Variants in TMPRSS7 observed in about 807,000 individuals in gnomAD.
TMPRSS7 encodes transmembrane serine protease 7.
Under a neutral mutation model 95.6 loss-of-function variants are expected in TMPRSS7, and 81 were observed. The ratio of observed to expected loss-of-function variants is 0.85; its 90% confidence interval spans 0.71 to 1.02. The LOEUF (loss-of-function observed/expected upper bound fraction) is 1.02. TMPRSS7 is among the 50% of genes least tolerant of loss of function. The pLI is 0.00. For missense variants in TMPRSS7, 945 were observed against 955.2 expected (o/e 0.99, Z 0.14); for synonymous variants, 364 against 337.8 (o/e 1.08, Z -0.85).
chr3:112,078,721 T>C (rs779388437), intron 16 of TMPRSS7, 21 bp from the exon 17 acceptor site: 1 of 1,613,882 alleles, frequency 6.2e-7, no homozygotes, highest in East Asian at 2.2e-5. Context: ...ACATCATTTC[T>C]ACTTCCAATG....
intron 10 of TMPRSS7, among the ~76,000 whole-genome samples, chr3:112,060,099 G>A (rs929655887): frequency 7.9e-5 from 12 of 152,128 alleles, no homozygotes; most frequent in South Asian, 2.1e-4. Context: ...CCCACAAGCC[G>A]CAAAAGCAGC....
chr3:112,037,999 C>T (rs1456476721), intron 1 of TMPRSS7, 73 bp from the exon 2 acceptor site: 5 of 669,270 alleles, frequency 7.5e-6, no homozygotes, highest in African/African-American at 3.6e-5. Context: ...ACCAACATCT[C>T]CTGACTGGGT....
At chr3:112,063,927 C>T in intron 12 of TMPRSS7, among the ~76,000 whole-genome samples, 1 of 152,100 alleles carries the variant, frequency 6.6e-6, no homozygotes, top group East Asian at 1.9e-4. Context: ...TGGCTCTTTT[C>T]CTCATTGAGC....
intron 4 of TMPRSS7, among the ~76,000 whole-genome samples, chr3:112,044,876 C>T (rs1238816987): frequency 1.3e-5 from 2 of 152,032 alleles, no homozygotes; most frequent in African/African-American, 4.8e-5. Flanking sequence ...TTTCCCAAGT[C>T]ATTTCCTGCA....
At chr3:112,074,150 T>TCTCTC in intron 13 of TMPRSS7, 146 bp from the exon 14 acceptor site, 1 of 585,608 alleles carries the variant, frequency 1.7e-6, no homozygotes. Context: ...TTGCTTCTCT[T>TCTCTC]CTCTCTGCCA....
Position 112,047,773 on chromosome 3 carries a change from TC to T in TMPRSS7, c.766del (p.Leu256CysfsTer16). ...GCTCTCAGTACTTCTATGCAGAGCATCTGTCTCTCCACTACCCGCTGGAGAT... is the reference window on the plus strand; with the variant it reads ...GCTCTCAGTACTTCTATGCAGAGCATTGTCTCTCCACTACCCGCTGGAGAT... On this transcript the variant is annotated frameshift_variant, in exon 7 of 18. Transcript: ENST00000452346. LOFTEE classifies it high-confidence loss of function. 6.2e-7 allele frequency: 1 copy of T among 1,613,948 alleles called. No individual in the cohort carries two copies. Among genetic ancestry groups the T allele is most frequent in the Non-Finnish European group, 8.5e-7 (1 of 1,179,854 alleles).
intron 13 of TMPRSS7, among the ~76,000 whole-genome samples, chr3:112,069,888 C>T (rs1270186968): frequency 6.6e-6 from 1 of 151,974 alleles, no homozygotes; most frequent in African/African-American, 2.4e-5. Context: ...TTTGTTTGCT[C>T]TTGCTTCCCT....
intron 12 of TMPRSS7, among the ~76,000 whole-genome samples, chr3:112,065,988 G>A (rs1490170075): frequency 1.3e-5 from 2 of 152,090 alleles, no homozygotes; most frequent in South Asian, 2.1e-4. Flanking sequence ...CTATTTGTTC[G>A]GGGGCTTGAG....
chr3:112,045,927 C>T (rs375279190), exon 5 of TMPRSS7: 156 of 1,550,686 alleles, frequency 1.0e-4, no homozygotes, highest in Non-Finnish European at 1.1e-4. Flanking sequence ...TGGACATGGA[C>T]TCTGTGGTAC....
intron 4 of TMPRSS7, among the ~76,000 whole-genome samples, chr3:112,045,054 A>G (rs2073260394): frequency 6.6e-6 from 1 of 152,214 alleles, no homozygotes; most frequent in Non-Finnish European, 1.5e-5. Context: ...ATAAAACTGG[A>G]ATAATAATGG....
intron 9 of TMPRSS7, among the ~76,000 whole-genome samples, chr3:112,051,754 TA>T (rs1157856795): frequency 1.3e-5 from 2 of 152,006 alleles, no homozygotes; most frequent in East Asian, 1.9e-4. Context: ...TATGCTTTTT[TA>T]AAAAAAATCT....
intron 2 of TMPRSS7, 75 bp from the exon 3 acceptor site, chr3:112,041,845 T>C (rs2073213704): frequency 3.1e-6 from 3 of 976,292 alleles, no homozygotes; most frequent in African/African-American, 3.3e-5. Context: ...AGCCTCATAC[T>C]GACATAGCTC....
At chr3:112,043,073 C>T (rs765665495) in intron 3 of TMPRSS7, 2 of 455,910 alleles carry the variant, frequency 4.4e-6, no homozygotes, top group African/African-American at 2.0e-5. Context: ...GGGTACGTCA[C>T]TAAACCCTTT....
chr3:112,045,920 A>G (rs1188606856), exon 5 of TMPRSS7: 11 of 1,551,474 alleles, frequency 7.1e-6, no homozygotes, highest in East Asian at 2.4e-5. Flanking sequence ...CTGGCTGTGG[A>G]CATGGACTCT....
At chr3:112,046,382 G>T (rs766641346) in intron 5 of TMPRSS7, among the ~76,000 whole-genome samples, 1 of 152,230 alleles carries the variant, frequency 6.6e-6, no homozygotes, top group South Asian at 2.1e-4. Flanking sequence ...TTCATTGTTT[G>T]CCTTGATAGT....
intron 13 of TMPRSS7, among the ~76,000 whole-genome samples, chr3:112,067,886 T>C (rs867426501): frequency 1.2e-4 from 18 of 152,244 alleles, no homozygotes; most frequent in African/African-American, 4.3e-4. Flanking sequence ...TTTGGTGTTT[T>C]AGTCATGAAG....
At chr3:112,078,639 A>G in intron 16 of TMPRSS7, 103 bp from the exon 17 acceptor site, 1 of 1,433,934 alleles carries the variant, frequency 7.0e-7, no homozygotes, top group East Asian at 2.3e-5. Context: ...AATTGCCGCT[A>G]TGAGGGTAAA....
Position 112,047,901 on chromosome 3 carries a change from A to G in TMPRSS7, c.893A>G (p.Asn298Ser), listed in dbSNP as rs759734398. The stretch of plus-strand genomic sequence containing the variant: ...AAGTCCATCCAAATCGAAGCCGACA[A>G]CTGTGTCACTGACTCCCTGACCATT... Residue 298 changes from asparagine (N) to serine (S), a missense_variant, in exon 7 of 18, where the codon AAC (asparagine) becomes AGC (serine). Coordinates refer to ENST00000452346, the Ensembl canonical transcript of TMPRSS7. The G allele has an allele frequency of 1.9e-6, 3 of 1,614,084 alleles. No homozygotes were observed. The highest frequency in any genetic ancestry group is 2.2e-5 in the South Asian group (2 of 91,072).
At chr3:112,049,889 T>A in exon 8 of TMPRSS7, 2 of 1,554,834 alleles carry the variant, frequency 1.3e-6, no homozygotes, top group Non-Finnish European at 1.8e-6. Flanking sequence ...TTTCTACAAA[T>A]AATCTCATGT....
Sources: allele counts gnomAD v4.1 joint callset (sites outside exome capture counted in the v4.1 genomes callset), GRCh38; gene constraint gnomAD v4.1.1; transcripts MANE v1.5; gene names NCBI Gene and HGNC (gene_info 2026-07-23, HGNC 2026-07-21).